The following VPS13B variants were observed in gnomAD, a reference collection of about 807,000 sequenced individuals.
VPS13B encodes intermembrane lipid transfer protein VPS13B.
A neutral mutation model predicts 426.4 loss-of-function variants in VPS13B; 285 were observed. The observed-to-expected ratio is 0.67, with a 90% CI of 0.61 to 0.74. The LOEUF (loss-of-function observed/expected upper bound fraction) is 0.74, where lower values mean the gene tolerates loss of function less well. VPS13B is among the 30% of genes least tolerant of loss of function. The pLI is 0.00. For synonymous variants in VPS13B, 1,676 were observed against 1,676.4 expected, an observed-to-expected ratio of 1.00 and a Z score of 0.01; for missense variants, 4,537 against 4,782.6, an observed-to-expected ratio of 0.95 and a Z score of 1.51.
chr8:99,064,772 TCTTCGAGA>T (rs1260255705), intron 3 of VPS13B, among the ~76,000 whole-genome samples: 2 of 152,110 alleles, frequency 1.3e-5, no homozygotes, highest in African/African-American at 4.8e-5. Context: ...ACAAAGATAC[TCTTCGAGA>T]AGAGCAACTC....
intron 33 of VPS13B, among the ~76,000 whole-genome samples, chr8:99,601,209 C>T (rs1827285134): frequency 6.6e-6 from 1 of 152,048 alleles, no homozygotes; most frequent in African/African-American, 2.4e-5. Flanking sequence ...TCCATGTGTT[C>T]TCCTTGTTCA....
chr8:99,123,558 G>A (rs866271812), intron 8 of VPS13B, among the ~76,000 whole-genome samples: 1 of 152,092 alleles, frequency 6.6e-6, no homozygotes, highest in African/African-American at 2.4e-5. Flanking sequence ...ATTTTAATCT[G>A]GATCACTGTG....
At chr8:99,418,764 G>A (rs1033358419) in intron 21 of VPS13B, among the ~76,000 whole-genome samples, 3 of 152,022 alleles carry the variant, frequency 2.0e-5, no homozygotes, top group African/African-American at 2.4e-5. Flanking sequence ...AAAGGATGAC[G>A]AAATGTGATA....
intron 19 of VPS13B, among the ~76,000 whole-genome samples, chr8:99,331,205 C>T (rs2133154897): frequency 6.6e-6 from 1 of 151,922 alleles, no homozygotes; most frequent in African/African-American, 2.4e-5. Flanking sequence ...TGGCAATTTA[C>T]TTGTTGTGGT....
intron 3 of VPS13B, among the ~76,000 whole-genome samples, chr8:99,066,497 T>A (rs1458009783): frequency 1.3e-5 from 2 of 152,140 alleles, no homozygotes; most frequent in Non-Finnish European, 2.9e-5. Flanking sequence ...ATACAAAAAT[T>A]AATTCAAGAT....
rs531757064 is a variant in VPS13B, at chr8:99,400,221, G to A, written c.3082+8517G>A. The stretch of plus-strand genomic sequence containing the variant: ...TTACTGTTAGCACTACCTCACTCCC[G>A]TCCCACTTTTGAACATGCTGGCCCA... On this transcript the variant is annotated intron_variant, in intron 21 of 61. Coordinates refer to ENST00000357162, the MANE Select transcript of VPS13B (RefSeq NM_152564.5). 1.3e-3 allele frequency among the ~76,000 whole-genome samples: 196 copies of A among 152,116 alleles called. 1 individual carries two copies. Among genetic ancestry groups the A allele is most frequent in the African/African-American group, 4.0e-3 (166 of 41,510 alleles).
chr8:99,128,386 C>CAAAAAAAA (rs71273165), intron 8 of VPS13B, among the ~76,000 whole-genome samples: 1 of 34,188 alleles, frequency 2.9e-5, no homozygotes. Context: ...GATACTGTCC[C>CAAAAAAAA]AAAAAAAAAA....
At chr8:99,162,584 C>T (rs944065274) in intron 15 of VPS13B, among the ~76,000 whole-genome samples, 1 of 151,986 alleles carries the variant, frequency 6.6e-6, no homozygotes, top group Non-Finnish European at 1.5e-5. Context: ...CTCGCTGGCT[C>T]AGGAATGAAG....
intron 56 of VPS13B, among the ~76,000 whole-genome samples, chr8:99,858,733 G>A (rs1023380173): frequency 2.6e-5 from 4 of 152,156 alleles, no homozygotes; most frequent in African/African-American, 9.7e-5. Flanking sequence ...CCGGAGCAGG[G>A]GTTGAAGGGT....
chr8:99,651,634 T>G (rs1197130513), intron 34 of VPS13B, among the ~76,000 whole-genome samples: 2 of 152,296 alleles, frequency 1.3e-5, no homozygotes, highest in East Asian at 3.9e-4. Flanking sequence ...TGTAGTTGTT[T>G]TTAGCATAAT....
chr8:99,244,573 G>A (rs1322929112), intron 17 of VPS13B, among the ~76,000 whole-genome samples: 1 of 152,174 alleles, frequency 6.6e-6, no homozygotes, highest in Non-Finnish European at 1.5e-5. Context: ...GAGGACCTAT[G>A]CATTTAAAAA....
chr8:99,705,562 A>T (rs891932323), intron 36 of VPS13B, among the ~76,000 whole-genome samples: 17 of 151,944 alleles, frequency 1.1e-4, no homozygotes, highest in Admixed American at 9.8e-4. Flanking sequence ...TTTGACATTT[A>T]AAAAAAAGCA....
At chr8:99,775,762 G>A (rs2130663090) in intron 40 of VPS13B, among the ~76,000 whole-genome samples, 1 of 152,244 alleles carries the variant, frequency 6.6e-6, no homozygotes, top group East Asian at 1.9e-4. Flanking sequence ...GCTGGGCATG[G>A]TGGCTGGCGC....
chr8:99,753,197 A>G (rs1480646049), intron 39 of VPS13B, among the ~76,000 whole-genome samples: 1 of 152,240 alleles, frequency 6.6e-6, no homozygotes, highest in Non-Finnish European at 1.5e-5. Flanking sequence ...AACTTAAAAA[A>G]GTAAATCTTA....
intron 35 of VPS13B, among the ~76,000 whole-genome samples, chr8:99,674,695 A>G (rs1039215134): frequency 5.9e-5 from 9 of 151,692 alleles, no homozygotes; most frequent in African/African-American, 1.7e-4. Context: ...AGTTTTCTCT[A>G]TTGGTATATT....
intron 35 of VPS13B, among the ~76,000 whole-genome samples, chr8:99,682,991 C>A (rs1449972045): frequency 6.6e-6 from 1 of 152,136 alleles, no homozygotes; most frequent in African/African-American, 2.4e-5. Context: ...TCTTTGAAGA[C>A]CTTCTAATTT....
At chr8:99,853,375 C>A in intron 55 of VPS13B, 76 bp from the exon 56 acceptor site, 1 of 1,478,448 alleles carries the variant, frequency 6.8e-7, no homozygotes, top group East Asian at 2.3e-5. Context: ...TAATAGGGTA[C>A]TGTCAATAAA....
intron 58 of VPS13B, among the ~76,000 whole-genome samples, chr8:99,862,962 C>G (rs948314224): frequency 1.3e-5 from 2 of 152,154 alleles, no homozygotes; most frequent in Admixed American, 6.5e-5. Context: ...AAGGGAGCAA[C>G]CTTCTTGCTT....
chr8:99,028,206 C>G (rs971690280), intron 2 of VPS13B, among the ~76,000 whole-genome samples: 3 of 151,990 alleles, frequency 2.0e-5, no homozygotes, highest in African/African-American at 7.2e-5. Context: ...TCATCATGAC[C>G]CATCCCCAAT....
Sources: allele counts gnomAD v4.1 joint callset (sites outside exome capture counted in the v4.1 genomes callset), GRCh38; gene constraint gnomAD v4.1.1; transcripts MANE v1.5; gene names NCBI Gene and HGNC (gene_info 2026-07-23, HGNC 2026-07-21).